PCDH9: variants seen among roughly 807,000 people sequenced by gnomAD.
PCDH9 encodes protocadherin-9.
In PCDH9, 24 loss-of-function variants were observed where a neutral mutation model predicts 70.6. The observed-to-expected ratio is 0.34, with a 90% CI of 0.25 to 0.48. The LOEUF is 0.48. Among genes scored for constraint, PCDH9 ranks in the 20% least tolerant of loss-of-function variants. The probability of loss-of-function intolerance (pLI) is 0.99; values close to 1 mark genes in which losing one functional copy is unlikely to be tolerated. For missense variants in PCDH9, 1,281 were observed against 1,503.6 expected (o/e 0.85, Z 2.45); for synonymous variants, 562 against 558.5 (o/e 1.01, Z -0.09).
At chr13:66,768,056 T>C (rs960198852) in intron 3 of PCDH9, among the ~76,000 whole-genome samples, 1 of 152,050 alleles carries the variant, frequency 6.6e-6, no homozygotes. Context: ...AAGGTCCCAG[T>C]TTACCAGTCT....
chr13:66,998,961 T>G (rs913023001), intron 2 of PCDH9, among the ~76,000 whole-genome samples: 16 of 152,242 alleles, frequency 1.1e-4, no homozygotes, highest in African/African-American at 3.9e-4. Context: ...TGTTATCAAC[T>G]GCAAATATAA....
chr13:67,133,656 G>C (rs2087161725), intron 2 of PCDH9, among the ~76,000 whole-genome samples: 1 of 152,010 alleles, frequency 6.6e-6, no homozygotes, highest in Non-Finnish European at 1.5e-5. Flanking sequence ...GAGGAGAATT[G>C]GAACAAACCC....
At chr13:66,414,099 G>A (rs1957421727) in intron 4 of PCDH9, among the ~76,000 whole-genome samples, 1 of 151,544 alleles carries the variant, frequency 6.6e-6, no homozygotes, top group African/African-American at 2.4e-5. Context: ...AGACTACACT[G>A]GAAAAAAAAT....
At chr13:66,445,169 T>TTA (rs1190676501) in intron 4 of PCDH9, among the ~76,000 whole-genome samples, 5 of 146,776 alleles carry the variant, frequency 3.4e-5, no homozygotes, top group East Asian at 1.9e-4. Context: ...ATATTATATA[T>TTA]TATATATATA....
In PCDH9 at chr13:66,725,591, AT is replaced by A. The variant is rs537350923; in HGVS notation, c.3139-94181del. Among the ~76,000 whole-genome samples, 611 of 152,250 alleles carry A rather than the reference AT, an allele frequency of 4.0e-3. 2 individuals are homozygous for A. Among genetic ancestry groups the A allele is most frequent in the African/African-American group, 0.014 (566 of 41,562 alleles). ...AGAGGATGTTCTAGGATAGAGTGTG[AT>A]TTTTTTCAAAGTGTTAAAGGATACA... On this transcript the variant is annotated intron_variant, in intron 3 of 4. Transcript: ENST00000377865.
chr13:66,542,737 T>C (rs1482895199), intron 4 of PCDH9, among the ~76,000 whole-genome samples: 2 of 145,008 alleles, frequency 1.4e-5, no homozygotes, highest in Admixed American at 1.4e-4. Flanking sequence ...TATATAAATA[T>C]ATATCTCCGA....
At chr13:66,873,928 TTTTC>T (rs1435762424) in intron 3 of PCDH9, among the ~76,000 whole-genome samples, 34 of 140,296 alleles carry the variant, frequency 2.4e-4, no homozygotes, top group Admixed American at 1.7e-3. Context: ...CTTTTTTTTT[TTTTC>T]TTTCTTTCTT....
chr13:67,200,597 C>T (rs553633490), intron 2 of PCDH9, among the ~76,000 whole-genome samples: 13 of 152,076 alleles, frequency 8.5e-5, no homozygotes, highest in Non-Finnish European at 1.2e-4. Context: ...CAAACTTTTA[C>T]TATTAAATGT....
intron 4 of PCDH9, among the ~76,000 whole-genome samples, chr13:66,575,615 C>T (rs1385932143): frequency 6.6e-6 from 1 of 152,132 alleles, no homozygotes. Flanking sequence ...CCCTCTAGGC[C>T]TCAGAATTCC....
chr13:66,907,212 AAAAAT>A (rs1011623829), intron 2 of PCDH9, among the ~76,000 whole-genome samples: 3 of 152,178 alleles, frequency 2.0e-5, no homozygotes, highest in African/African-American at 7.2e-5. Context: ...TCAAAAAGAA[AAAAAT>A]AAAATAAAAA....
intron 3 of PCDH9, among the ~76,000 whole-genome samples, chr13:66,695,199 G>T (rs1284496462): frequency 6.6e-6 from 1 of 152,072 alleles, no homozygotes; most frequent in Non-Finnish European, 1.5e-5. Flanking sequence ...CACCGCGCCC[G>T]GTATATACAT....
At chr13:67,041,534 G>A (rs1343886487) in intron 2 of PCDH9, among the ~76,000 whole-genome samples, 3 of 152,028 alleles carry the variant, frequency 2.0e-5, no homozygotes, top group African/African-American at 7.2e-5. Flanking sequence ...GGTACCCTAA[G>A]ACTGTACCTG....
intron 2 of PCDH9, among the ~76,000 whole-genome samples, chr13:67,040,420 G>C (rs774033409): frequency 5.9e-5 from 9 of 152,040 alleles, no homozygotes; most frequent in Non-Finnish European, 1.0e-4. Flanking sequence ...CATCAGCCTG[G>C]GTAACATAGC....
chr13:66,747,974 G>T (rs190100999), intron 3 of PCDH9, among the ~76,000 whole-genome samples: 181 of 152,200 alleles, frequency 1.2e-3, no homozygotes, highest in African/African-American at 4.1e-3. Flanking sequence ...ATATAGTGTG[G>T]TATAGCCAAT....
At chr13:66,373,422 CA>C (rs1956694125) in intron 4 of PCDH9, among the ~76,000 whole-genome samples, 1 of 151,490 alleles carries the variant, frequency 6.6e-6, no homozygotes, top group Admixed American at 6.6e-5. Context: ...ATTAGTTGTT[CA>C]AAAATGTAAA....
intron 4 of PCDH9, among the ~76,000 whole-genome samples, chr13:66,579,919 A>G (rs1346387708): frequency 6.6e-6 from 1 of 152,076 alleles, no homozygotes; most frequent in Non-Finnish European, 1.5e-5. Context: ...CTGATACTGG[A>G]GATAATTTCA....
chr13:66,726,997 C>T (rs549327229), intron 3 of PCDH9, among the ~76,000 whole-genome samples: 4 of 152,246 alleles, frequency 2.6e-5, no homozygotes, highest in African/African-American at 7.2e-5. Context: ...GTGGCTCATG[C>T]GCATAATCCA....
chr13:67,087,062 T>C (rs1348379355), intron 2 of PCDH9, among the ~76,000 whole-genome samples: 4 of 116,328 alleles, frequency 3.4e-5, no homozygotes, highest in South Asian at 2.7e-4. Flanking sequence ...TTCGTAACCA[T>C]CAAGAAGAGA....
rs116678943 is a variant in PCDH9 at position 66,693,070 on chromosome 13, A to G, written c.3139-61659T>C. Among the ~76,000 whole-genome samples the G allele has an allele frequency of 4.1e-3, 628 of 152,238 alleles. 1 individual carries two copies. Among genetic ancestry groups the G allele is most frequent in the African/African-American group, 0.014 (598 of 41,572 alleles). ...GTTTGGAGAAGATTCATGGTAGTATATGATAAGGTGCATTTATCAAGATAG... is the reference window on the plus strand; with the variant it reads ...GTTTGGAGAAGATTCATGGTAGTATGTGATAAGGTGCATTTATCAAGATAG... On this transcript the variant is annotated intron_variant, in intron 3 of 4. Coordinates refer to ENST00000377865, the MANE Select transcript of PCDH9 (RefSeq NM_203487.3).
Sources: gnomAD v4.1 joint callset for allele counts (sites outside exome capture counted in the v4.1 genomes callset) on GRCh38, gnomAD v4.1.1 for gene constraint, MANE v1.5 for transcripts, NCBI Gene and HGNC (gene_info 2026-07-23, HGNC 2026-07-21) for gene names.